Variants in MAP3K7 observed in about 807,000 individuals in gnomAD.
The protein encoded by MAP3K7 is mitogen-activated protein kinase kinase kinase 7.
Under a neutral mutation model 84.8 loss-of-function variants are expected in MAP3K7, and 21 were observed. The ratio of observed to expected loss-of-function variants is 0.25; its 90% CI spans 0.18 to 0.36. MAP3K7 has a LOEUF of 0.36. Among genes scored for constraint, MAP3K7 ranks in the 10% least tolerant of loss-of-function variants. The pLI, the probability that MAP3K7 is intolerant of heterozygous loss-of-function variation, is 1.00. For missense variants in MAP3K7, 503 were observed against 747.7 expected, an observed-to-expected ratio of 0.67 and a Z score of 3.82; for synonymous variants, 241 against 247.7, an observed-to-expected ratio of 0.97 and a Z score of 0.25.
At chr6:90,578,503 G>A (rs527513150) in intron 1 of MAP3K7, among the ~76,000 whole-genome samples, 5 of 152,152 alleles carry the variant, frequency 3.3e-5, no homozygotes, top group Admixed American at 2.0e-4. Flanking sequence ...TTGAACTCCT[G>A]AGCTCAGGCG....
rs1457177066 is a variant in MAP3K7, at chr6:90,548,115, C to T, written c.1012G>A (p.Val338Ile). ...SNKSDTNMEQ[V>I]PATNDTIKRL... ...TTAATAGTATCATTTGTGGCAGGAA[C>T]TTGCTCCATATTAGTGTCACTTTTG... The change falls in exon 10 of 17, where the codon GTT becomes ATT. Residue 338 changes from valine (V) to isoleucine (I), a missense_variant. Physicochemically the swap from Val to Ile is conservative, Grantham distance 29 (BLOSUM62 3). Transcript: ENST00000369329. The T allele has an allele frequency of 1.2e-5, 20 of 1,612,338 alleles. No individual in the cohort carries two copies. Among genetic ancestry groups the T allele is most frequent in the Non-Finnish European group, 1.6e-5 (19 of 1,179,058 alleles).
chr6:90,584,396 T>C (rs1777375537), intron 1 of MAP3K7, among the ~76,000 whole-genome samples: 1 of 152,052 alleles, frequency 6.6e-6, no homozygotes, highest in South Asian at 2.1e-4. Flanking sequence ...GTATTAAACA[T>C]GAAAGGGAAT....
Position 90,523,679 on chromosome 6 carries a change from T to A in MAP3K7, c.1461A>T (p.Thr487=). 1 of 1,606,120 alleles carries A rather than the reference T, an allele frequency of 6.2e-7. No homozygotes were observed. The highest frequency in any genetic ancestry group is 1.3e-5 in the African/African-American group (1 of 74,858). ...AGTATGAAGAAACAGACTGGTCACC[T>A]GTGGAATCATCAGGGGTCCATGGAT... The part of the protein sequence containing the change: ...RSHPWTPDDS[T]DTNGSDNSIP... Residue 487 remains threonine (T), a splice_region_variant and synonymous_variant, in exon 14 of 17, where the codon ACA becomes ACT. Coordinates refer to ENST00000369329, the MANE Select transcript of MAP3K7 (RefSeq NM_145331.3).
At chr6:90,552,628 G>T (rs1427393285) in intron 7 of MAP3K7, among the ~76,000 whole-genome samples, 5 of 152,204 alleles carry the variant, frequency 3.3e-5, no homozygotes, top group Non-Finnish European at 7.4e-5. Context: ...TATAAACAAG[G>T]CATAGAAATG....
intron 13 of MAP3K7, among the ~76,000 whole-genome samples, chr6:90,526,881 T>C (rs946011277): frequency 2.0e-5 from 3 of 152,136 alleles, no homozygotes; most frequent in East Asian, 1.9e-4. Flanking sequence ...TTCTGACCCA[T>C]TCTGTGAAGG....
intron 12 of MAP3K7, 60 bp downstream of exon 12, chr6:90,544,492 T>C: frequency 6.9e-7 from 1 of 1,442,660 alleles, no homozygotes; most frequent in Non-Finnish European, 9.8e-7. Flanking sequence ...ATTTTACAAG[T>C]ACCAGGGATC....
In MAP3K7 at chr6:90,550,453, A is replaced by T. The variant is rs775195539; in HGVS notation, c.949+15T>A. 1.3e-5 allele frequency: 20 copies of T among 1,555,798 alleles called. No homozygotes were observed. Among genetic ancestry groups the T allele is most frequent in the Admixed American group, 6.9e-5 (4 of 57,796 alleles). On this transcript the variant is annotated intron_variant, in intron 9 of 16. Coordinates refer to ENST00000369329, the MANE Select transcript of MAP3K7 (RefSeq NM_145331.3). ...AGAAAAATCAAGTCAATACTCTTCC[A>T]ATCTATCCATTTACCTGTACTGGTG...
chr6:90,578,392 C>A (rs1777155586), intron 1 of MAP3K7, among the ~76,000 whole-genome samples: 1 of 152,084 alleles, frequency 6.6e-6, no homozygotes, highest in Admixed American at 6.5e-5. Context: ...CCTGCCTCAG[C>A]CACCCCAAAG....
At position 90,516,594 on chromosome 6, in the gene MAP3K7, A is replaced by T. The variant is rs1304532901; in HGVS notation, c.1728T>A (p.Asp576Glu). 1 of 1,612,690 alleles carries T rather than the reference A, an allele frequency of 6.2e-7. No individual in the cohort carries two copies. The highest frequency in any genetic ancestry group is 1.1e-5 in the South Asian group (1 of 91,012). Residue 576 changes from aspartate (D) to glutamate (E), a missense_variant, in exon 17 of 17, where the codon GAT (aspartate) becomes GAA (glutamate). Around this residue, in one of 5 missense-constraint regions of MAP3K7, gnomAD observed 43 missense variants for 47.3 expected, o/e 0.91. Coordinates refer to ENST00000369329, the MANE Select transcript of MAP3K7 (RefSeq NM_145331.3). Reference sequence around the variant, plus strand: ...AGTAAGTAGAAAGGCTTTTGTTTTCATCTAAAAGCTTTTTATGTTCCTGTA... The same window carrying T: ...AGTAAGTAGAAAGGCTTTTGTTTTCTTCTAAAAGCTTTTTATGTTCCTGTA... ...RLVQEHKKLL[D>E]ENKSLSTYYQ...
At position 90,568,546 on chromosome 6, in the gene MAP3K7, T is replaced by C. The variant is rs1315742026; in HGVS notation, c.297+12A>G. On this transcript the variant is annotated intron_variant, in intron 3 of 16. Coordinates refer to ENST00000369329, the MANE Select transcript of MAP3K7 (RefSeq NM_145331.3). ...TTTCTCACAGGTGACCATGAAAAAG[T>C]AACAAACTTACTGGATTCAAGCAGG... is the stretch of plus-strand genomic sequence containing the variant. The C allele has an allele frequency of 6.2e-7, 1 of 1,601,150 alleles. No individual in the cohort carries two copies. Among genetic ancestry groups the C allele is most frequent in the South Asian group, 1.1e-5 (1 of 87,968 alleles).
At chr6:90,567,847 T>C (rs185599752) in intron 3 of MAP3K7, among the ~76,000 whole-genome samples, 135 of 152,174 alleles carry the variant, frequency 8.9e-4, no homozygotes, top group African/African-American at 2.9e-3. Context: ...GATTAAGAAA[T>C]TGTGGCACAT....
intron 3 of MAP3K7, among the ~76,000 whole-genome samples, chr6:90,562,211 A>T (rs894940145): frequency 6.6e-6 from 1 of 152,226 alleles, no homozygotes; most frequent in Non-Finnish European, 1.5e-5. Flanking sequence ...TACAGGGTTC[A>T]TCTCACTGGG....
At chr6:90,542,971 A>C (rs187964002) in intron 12 of MAP3K7, among the ~76,000 whole-genome samples, 2 of 152,140 alleles carry the variant, frequency 1.3e-5, no homozygotes, top group Non-Finnish European at 1.5e-5. Flanking sequence ...ATTATCTTGT[A>C]TAGCGTGGGC....
intron 13 of MAP3K7, among the ~76,000 whole-genome samples, chr6:90,527,252 ATTTC>A (rs957184469): frequency 6.6e-6 from 1 of 151,986 alleles, no homozygotes; most frequent in Non-Finnish European, 1.5e-5. Flanking sequence ...TGAGAAGAGA[ATTTC>A]TTTTTCTTTC....
intron 1 of MAP3K7, among the ~76,000 whole-genome samples, chr6:90,574,936 T>A (rs955419822): frequency 6.6e-6 from 1 of 152,164 alleles, no homozygotes; most frequent in Non-Finnish European, 1.5e-5. Flanking sequence ...CCATTCTTAT[T>A]AGGGCCACGA....
chr6:90,559,233 A>G (rs182144724), intron 5 of MAP3K7, among the ~76,000 whole-genome samples: 2 of 152,318 alleles, frequency 1.3e-5, no homozygotes, highest in East Asian at 3.9e-4. Context: ...TATGTAGAGT[A>G]TATCAGATTA....
intron 12 of MAP3K7, among the ~76,000 whole-genome samples, chr6:90,544,344 A>G (rs1775937786): frequency 6.6e-6 from 1 of 152,072 alleles, no homozygotes; most frequent in South Asian, 2.1e-4. Flanking sequence ...TTTCTCTTCT[A>G]TTTTATCCTC....
chr6:90,530,638 A>G (rs568014577), intron 13 of MAP3K7, among the ~76,000 whole-genome samples: 32 of 152,314 alleles, frequency 2.1e-4, no homozygotes, highest in Admixed American at 1.0e-3. Context: ...ATAAATCTTT[A>G]TATTTTAAGA....
chr6:90,558,684 T>C (rs1415799868), intron 5 of MAP3K7, among the ~76,000 whole-genome samples: 2 of 152,202 alleles, frequency 1.3e-5, no homozygotes, highest in Non-Finnish European at 2.9e-5. Context: ...TGGGGTGTAG[T>C]TGGATGAAGA....
Sources: gnomAD v4.1 joint callset for allele counts (sites outside exome capture counted in the v4.1 genomes callset) on GRCh38, gnomAD v4.1.1 for gene constraint, gnomAD v4.1.1 regional missense constraint, MANE v1.5 for transcripts, NCBI Gene and HGNC (gene_info 2026-07-23, HGNC 2026-07-21) for gene names.